UBXN11: variants seen among roughly 807,000 people sequenced by gnomAD.
UBXN11 encodes UBX domain-containing protein 11.
UBXN11 carries 47 observed loss-of-function variants against 62.8 expected under a neutral mutation model. The observed-to-expected ratio is 0.75, with a 90% CI of 0.59 to 0.95. The LOEUF is 0.95. Among genes scored for constraint, UBXN11 ranks in the 40% least tolerant of loss-of-function variants. The pLI is 0.00. For synonymous variants in UBXN11, 294 were observed against 267.0 expected (o/e 1.10, Z -0.99); for missense variants, 638 against 661.7 (o/e 0.96, Z 0.39).
At chr1:26,283,023 A>T in intron 12 of UBXN11, 86 bp from the exon 13 acceptor site, 1 of 1,562,290 alleles carries the variant, frequency 6.4e-7, no homozygotes, top group Non-Finnish European at 8.8e-7. Flanking sequence ...TTCCTTGACC[A>T]GGGACAGATG....
At chr1:26,286,160 G>T in intron 8 of UBXN11, 123 bp from the exon 9 acceptor site, 1 of 834,188 alleles carries the variant, frequency 1.2e-6, no homozygotes, top group Non-Finnish European at 1.8e-6. Flanking sequence ...TGACTGCCTG[G>T]GGAAAAGGAC....
In UBXN11 at chr1:26,282,701, T is replaced by A. The variant is rs768510187; in HGVS notation, c.1240A>T (p.Met414Leu). Residue 414 changes from methionine to leucine, a missense_variant, in exon 14 of 15, where the codon ATG (methionine) becomes TTG (leucine). Physicochemically the swap from Met to Leu is conservative, Grantham distance 15. Transcript: ENST00000374222. ...ENGEQAFLLM[M>L]QPDNTIGDVR... is the part of the protein sequence containing the mutation. ...TCCCCAATGGTGTTGTCAGGCTGCA[T>A]CATCAGTAGGAAGGCCTGTTCCCCA... is the stretch of plus-strand genomic sequence containing the variant. 3 of 1,614,176 alleles carry A rather than the reference T, an allele frequency of 1.9e-6. No homozygotes were observed. Among genetic ancestry groups the A allele is most frequent in the Admixed American group, 3.3e-5 (2 of 60,034 alleles).
chr1:26,309,264 CAG>C (rs1192123645), upstream of UBXN11, among the ~76,000 whole-genome samples: 11 of 9,548 alleles, frequency 1.2e-3, no homozygotes, highest in East Asian at 6.0e-3. Flanking sequence ...TTTTTTGAGA[CAG>C]AGTCTCACTC....
At position 26,297,450 on chromosome 1, in the gene UBXN11, A is replaced by G; in HGVS notation, c.332T>C (p.Val111Ala). The change falls in exon 6 of 15, where the codon GTG (valine) becomes GCG (alanine). Residue 111 changes from valine to alanine, a missense_variant. Coordinates refer to ENST00000374222, the MANE Select transcript of UBXN11 (RefSeq NM_001389556.1). ...ACCTGGGTGTGGCCGGAGGGTCTGC[A>G]CCAGGTCCTCTAGGGCCGCTATCTT... Reference protein sequence around the residue: ...DQKIAALEDLVQTLRPHPAEA... With the variant: ...DQKIAALEDLAQTLRPHPAEA... 3.2e-6 allele frequency: 5 copies of G among 1,555,738 alleles called. No individual in the cohort carries two copies. Among genetic ancestry groups the G allele is most frequent in the Non-Finnish European group, 4.4e-6 (5 of 1,149,364 alleles).
chr1:26,293,550 A>AC (rs2124650555), intron 8 of UBXN11, among the ~76,000 whole-genome samples: 1 of 151,694 alleles, frequency 6.6e-6, no homozygotes, highest in East Asian at 1.9e-4. Context: ...ACATGGTAAA[A>AC]CCCCGTCTTT....
At chr1:26,284,569 C>T (rs1255487747) in intron 10 of UBXN11, 87 bp from the exon 11 acceptor site, 3 of 1,493,842 alleles carry the variant, frequency 2.0e-6, no homozygotes, top group Non-Finnish European at 2.7e-6. Flanking sequence ...TAAACACAGG[C>T]CAAGGGTATG....
At chr1:26,314,076 G>T (rs1038184774) in intron 1 of UBXN11, among the ~76,000 whole-genome samples, 2 of 152,210 alleles carry the variant, frequency 1.3e-5, no homozygotes, top group Middle Eastern at 3.4e-3. Context: ...CACCGCGCCC[G>T]GCCGGTTCTT....
In UBXN11 at chr1:26,298,116, T is replaced by TG. The variant is rs576128140; in HGVS notation, c.200-55dup. 1.4e-4 allele frequency: 214 copies of TG among 1,565,722 alleles called. No individual in the cohort carries two copies. In the African/African-American group the frequency reaches 1.8e-3, roughly 14 times the overall value. On this transcript the variant is annotated intron_variant, in intron 4 of 14. Coordinates refer to ENST00000374222, the MANE Select transcript of UBXN11 (RefSeq NM_001389556.1). ...CAGACCTAGAGCCGAGGCTGAGTTG[T>TG]GGGGGGGAGGGAGGAGGATAGGGGT...
At chr1:26,311,643 A>G (rs1241465047) in intron 1 of UBXN11, among the ~76,000 whole-genome samples, 1 of 151,702 alleles carries the variant, frequency 6.6e-6, no homozygotes, top group Non-Finnish European at 1.5e-5. Flanking sequence ...GAGTTTCACC[A>G]TGTTGGTCAG....
At chr1:26,300,617 C>A (rs1035470170) in intron 4 of UBXN11, among the ~76,000 whole-genome samples, 10 of 114,030 alleles carry the variant, frequency 8.8e-5, no homozygotes, top group Non-Finnish European at 1.6e-4. Flanking sequence ...AAGCAGGAAG[C>A]TGAGCTCTAC....
chr1:26,295,353 C>T (rs377539854), intron 7 of UBXN11, among the ~76,000 whole-genome samples: 21 of 152,232 alleles, frequency 1.4e-4, no homozygotes, highest in East Asian at 3.9e-4. Context: ...AATCCAGGGG[C>T]GGCGCCTGCT....
In UBXN11 at chr1:26,294,345, G is replaced by C; in HGVS notation, c.433-14C>G. The stretch of plus-strand genomic sequence containing the variant: ...ACTGAGGAACCGCTGTGGGAAAGAA[G>C]GGGGAGATGCGGGGCACCGTCAGCT... On this transcript the variant is annotated splice_polypyrimidine_tract_variant and intron_variant, in intron 7 of 14. Transcript: ENST00000374222. 1 of 1,498,696 alleles carries C rather than the reference G, an allele frequency of 6.7e-7. No individual in the cohort carries two copies. Among genetic ancestry groups the C allele is most frequent in the Non-Finnish European group, 8.9e-7 (1 of 1,122,890 alleles). 92.8% of individuals were successfully genotyped at this position (1,498,696 alleles called of 1,614,324 possible).
chr1:26,312,503 C>T (rs528488593), intron 1 of UBXN11, among the ~76,000 whole-genome samples: 21 of 151,930 alleles, frequency 1.4e-4, no homozygotes, highest in African/African-American at 4.1e-4. Flanking sequence ...CTGCCCGCCT[C>T]GGCCTCTCAA....
intron 8 of UBXN11, among the ~76,000 whole-genome samples, chr1:26,287,360 C>T (rs1269519628): frequency 1.3e-5 from 2 of 151,964 alleles, no homozygotes; most frequent in African/African-American, 2.4e-5. Context: ...GAATACGGAG[C>T]GGTGGGGACA....
intron 2 of UBXN11, among the ~76,000 whole-genome samples, chr1:26,302,549 A>G (rs1481010651): frequency 6.6e-6 from 1 of 152,192 alleles, no homozygotes; most frequent in South Asian, 2.1e-4. Flanking sequence ...TGCAGAATTA[A>G]TCAATGAACA....
At chr1:26,297,594 C>T in intron 5 of UBXN11, 113 bp from the exon 6 acceptor site, 1 of 1,298,880 alleles carries the variant, frequency 7.7e-7, no homozygotes, top group Non-Finnish European at 1.0e-6. Context: ...CAAGCCCCTG[C>T]CACCCTTTGG....
At chr1:26,285,063 G>C in intron 10 of UBXN11, 1 of 1,015,178 alleles carries the variant, frequency 9.9e-7, no homozygotes. Flanking sequence ...TCATGTCTTT[G>C]AGTCCCAACA....
intron 4 of UBXN11, among the ~76,000 whole-genome samples, chr1:26,298,637 C>T (rs905925888): frequency 6.6e-6 from 1 of 151,926 alleles, no homozygotes; most frequent in African/African-American, 2.4e-5. Context: ...ACTAAAAATA[C>T]AAAAATCAGC....
At chr1:26,314,255 T>G (rs2073770279) in intron 1 of UBXN11, among the ~76,000 whole-genome samples, 1 of 152,212 alleles carries the variant, frequency 6.6e-6, no homozygotes, top group Non-Finnish European at 1.5e-5. Flanking sequence ...TTGTCTTCAA[T>G]TTCTTTGAGG....
Sources: allele counts gnomAD v4.1 joint callset (sites outside exome capture counted in the v4.1 genomes callset), GRCh38; gene constraint gnomAD v4.1.1; transcripts MANE v1.5; gene names NCBI Gene and HGNC (gene_info 2026-07-23, HGNC 2026-07-21).